The following OGDH variants were observed in gnomAD, a reference collection of about 807,000 sequenced individuals.
OGDH encodes the protein oxoglutarate dehydrogenase, also known as 2-oxoglutarate dehydrogenase complex component E1.
A neutral mutation model predicts 116.6 loss-of-function variants in OGDH; 38 were observed. The ratio of observed to expected loss-of-function variants is 0.33; its 90% CI spans 0.25 to 0.43. The LOEUF (loss-of-function observed/expected upper bound fraction) is 0.43, where lower values mean the gene tolerates loss of function less well. OGDH is among the 20% of genes least tolerant of loss of function. The pLI is 1.00. For synonymous variants in OGDH, 488 were observed against 533.3 expected (o/e 0.92, Z 1.17); for missense variants, 825 against 1,357.2 (o/e 0.61, Z 6.16).
chr7:44,656,172 G>A, intron 4 of OGDH: 2 of 610,750 alleles, frequency 3.3e-6, no homozygotes, highest in Non-Finnish European at 5.6e-6. Context: ...CTCCCTTGAT[G>A]TGTGTGTGTG....
chr7:44,609,339 C>CAAA (rs1185554089), intron 1 of OGDH, among the ~76,000 whole-genome samples: 30,103 of 81,178 alleles, frequency 0.37, 5,249 homozygotes, highest in Non-Finnish European at 0.47. Context: ...CTCGTCTCTA[C>CAAA]AAAAAAAAAA....
rs1788615084 is a variant in OGDH, at chr7:44,697,104, G to C, written c.2051+40G>C. ...AGTTTTGTTTGCCCTCCAAAGAGTA[G>C]AAGATGGAAAGGGAGGGGTTCTGGT... On this transcript the variant is annotated intron_variant, in intron 15 of 22. Coordinates refer to ENST00000222673, the MANE Select transcript of OGDH (RefSeq NM_002541.4). This position sits in a 1 kb window ranked among gnomAD's most constrained non-coding sequence, Gnocchi z 6.0. The C allele has an allele frequency of 6.3e-7, 1 of 1,596,300 alleles. No individual in the cohort carries two copies. Among genetic ancestry groups the C allele is most frequent in the Non-Finnish European group, 8.6e-7 (1 of 1,166,408 alleles).
intron 4 of OGDH, among the ~76,000 whole-genome samples, chr7:44,651,231 A>G (rs1284043953): frequency 6.6e-6 from 1 of 152,222 alleles, no homozygotes; most frequent in Non-Finnish European, 1.5e-5. Context: ...GTTTTTTAAT[A>G]AAGTGGAATA....
At chr7:44,693,653 T>C (rs1161307842) in intron 10 of OGDH, among the ~76,000 whole-genome samples, 172 bp from the exon 11 acceptor site, 1 of 152,212 alleles carries the variant, frequency 6.6e-6, no homozygotes, top group Non-Finnish European at 1.5e-5. Context: ...TGGATTTTGT[T>C]ATCAGAATAG....
intron 2 of OGDH, among the ~76,000 whole-genome samples, chr7:44,639,744 G>A (rs1785844944): frequency 6.6e-6 from 1 of 152,218 alleles, no homozygotes; most frequent in African/African-American, 2.4e-5. Context: ...TTGTCTGAAG[G>A]TGGGGCAGGG....
intron 4 of OGDH, among the ~76,000 whole-genome samples, chr7:44,662,049 G>T (rs1786970454): frequency 6.6e-6 from 1 of 151,890 alleles, no homozygotes; most frequent in African/African-American, 2.4e-5. Context: ...TCTCTTTACT[G>T]TCCTGCATTT....
At chr7:44,613,215 G>T (rs1784635193) in intron 1 of OGDH, among the ~76,000 whole-genome samples, 1 of 151,526 alleles carries the variant, frequency 6.6e-6, no homozygotes, top group African/African-American at 2.4e-5. Flanking sequence ...TCACTTTGTC[G>T]CCCAGGCTGG....
chr7:44,631,844 T>G (rs955054834), intron 2 of OGDH, among the ~76,000 whole-genome samples: 3 of 149,458 alleles, frequency 2.0e-5, no homozygotes, highest in African/African-American at 7.4e-5. Context: ...CTTCCCTCTT[T>G]CCTTTCTCTC....
chr7:44,657,251 C>T (rs1259017862), intron 4 of OGDH, among the ~76,000 whole-genome samples: 1 of 152,192 alleles, frequency 6.6e-6, no homozygotes, highest in Non-Finnish European at 1.5e-5. Flanking sequence ...CTACTTCCCT[C>T]CCATCCCAGC....
chr7:44,614,821 G>A (rs1784706361), intron 1 of OGDH, among the ~76,000 whole-genome samples: 1 of 148,552 alleles, frequency 6.7e-6, no homozygotes, highest in Non-Finnish European at 1.5e-5. Context: ...AAATTATCCC[G>A]GTTCTTTTGG....
At chr7:44,656,407 C>T (rs1266648295) in intron 4 of OGDH, 21 of 1,508,422 alleles carry the variant, frequency 1.4e-5, no homozygotes, top group Non-Finnish European at 1.9e-5. Flanking sequence ...TTGAGGACTT[C>T]ATTTGAATAG....
Position 44,640,934 on chromosome 7 carries a change from G to A in OGDH, c.223-4393G>A, listed in dbSNP as rs190217257. Among the ~76,000 whole-genome samples, 27 of 149,960 alleles carry A rather than the reference G, an allele frequency of 1.8e-4. 1 individual carries two copies. The highest frequency in any genetic ancestry group is 6.1e-4 in the African/African-American group (25 of 40,854). The stretch of plus-strand genomic sequence containing the variant: ...CTTTGAGACAGAGTCTCGCTCTGTC[G>A]CCAAACTGGAGTGCAATGGCATGAT... On this transcript the variant is annotated intron_variant, in intron 2 of 22. Coordinates refer to ENST00000222673, the MANE Select transcript of OGDH (RefSeq NM_002541.4).
intron 1 of OGDH, among the ~76,000 whole-genome samples, chr7:44,620,836 C>G (rs1784982188): frequency 6.6e-6 from 1 of 152,076 alleles, no homozygotes; most frequent in African/African-American, 2.4e-5. Flanking sequence ...TCCAATGTGG[C>G]CCAGGGAAGC....
chr7:44,637,474 T>G (rs541526275), intron 2 of OGDH, among the ~76,000 whole-genome samples: 19 of 152,356 alleles, frequency 1.2e-4, no homozygotes, highest in Admixed American at 4.6e-4. Context: ...AGTTAATAGA[T>G]ATTTGTTGAA....
At chr7:44,634,958 G>C (rs537561003) in intron 2 of OGDH, among the ~76,000 whole-genome samples, 1 of 152,350 alleles carries the variant, frequency 6.6e-6, no homozygotes, top group African/African-American at 2.4e-5. Flanking sequence ...ATACAGGGTA[G>C]TCACACATAT....
At chr7:44,624,645 G>A (rs1309172599) in intron 2 of OGDH, 80 bp downstream of exon 2, 50 of 1,217,216 alleles carry the variant, frequency 4.1e-5, no homozygotes, top group East Asian at 3.3e-4. Flanking sequence ...AAGTGTGTGC[G>A]TCCTGAGGAG....
intron 18 of OGDH, among the ~76,000 whole-genome samples, 172 bp downstream of exon 18, chr7:44,698,435 C>T (rs1444808081): frequency 2.0e-5 from 3 of 152,100 alleles, no homozygotes; most frequent in Non-Finnish European, 2.9e-5. Flanking sequence ...TCTGGGCGCC[C>T]TGGGATGAGA....
chr7:44,672,637 G>GTTTT (rs1175741464), intron 5 of OGDH, among the ~76,000 whole-genome samples: 5 of 135,846 alleles, frequency 3.7e-5, no homozygotes, highest in African/African-American at 1.5e-4. Context: ...ATTTCTTTTT[G>GTTTT]TTTTTTGTTT....
intron 2 of OGDH, among the ~76,000 whole-genome samples, chr7:44,633,230 G>A (rs771590486): frequency 7.6e-6 from 1 of 131,034 alleles, no homozygotes; most frequent in African/African-American, 2.8e-5. Context: ...TCTAGCCTGG[G>A]CAACAGAGCG....
Sources: allele counts gnomAD v4.1 joint callset (sites outside exome capture counted in the v4.1 genomes callset), GRCh38; gene constraint gnomAD v4.1.1; non-coding constraint Gnocchi (gnomAD v3.1); transcripts MANE v1.5; gene names NCBI Gene and HGNC (gene_info 2026-07-23, HGNC 2026-07-21).